ATRNL1: variants seen among roughly 807,000 people sequenced by gnomAD.
ATRNL1 encodes attractin like 1.
ATRNL1 carries 95 observed loss-of-function variants against 182.7 expected under a neutral mutation model. That is an observed-to-expected ratio of 0.52 (90% CI 0.44 to 0.62). The LOEUF (loss-of-function observed/expected upper bound fraction) is 0.62. ATRNL1 is among the 20% of genes least tolerant of loss of function. The probability of loss-of-function intolerance (pLI) is 0.00; values close to 1 mark genes in which losing one functional copy is unlikely to be tolerated. For missense variants in ATRNL1, 1,471 were observed against 1,679.5 expected (o/e 0.88, Z 2.17); for synonymous variants, 576 against 568.3 (o/e 1.01, Z -0.19).
chr10:115,209,078 G>A (rs1292115926), intron 8 of ATRNL1, among the ~76,000 whole-genome samples: 3 of 151,576 alleles, frequency 2.0e-5, no homozygotes, highest in African/African-American at 7.3e-5. Context: ...TCTTCATTAG[G>A]CCATGATGGA....
intron 5 of ATRNL1, among the ~76,000 whole-genome samples, chr10:115,136,178 G>C (rs1845506961): frequency 6.6e-6 from 1 of 151,746 alleles, no homozygotes; most frequent in African/African-American, 2.4e-5. Flanking sequence ...ATTTAATTTT[G>C]TCATAAAGTA....
chr10:115,414,561 AC>A (rs1554960529), intron 20 of ATRNL1, among the ~76,000 whole-genome samples: 1 of 151,884 alleles, frequency 6.6e-6, no homozygotes, highest in Non-Finnish European at 1.5e-5. Flanking sequence ...ATAACCTGAA[AC>A]TACTTCCAGT....
intron 25 of ATRNL1, among the ~76,000 whole-genome samples, chr10:115,538,313 A>G (rs1592815656): frequency 6.6e-6 from 1 of 152,358 alleles, no homozygotes; most frequent in East Asian, 1.9e-4. Context: ...TGCTGCGACC[A>G]GCAAAGCTCA....
chr10:115,346,017 G>A (rs1855959067), intron 19 of ATRNL1, among the ~76,000 whole-genome samples: 1 of 151,948 alleles, frequency 6.6e-6, no homozygotes, highest in African/African-American at 2.4e-5. Flanking sequence ...GTGCTTGCTG[G>A]CCCTTGTATC....
At chr10:115,245,278 C>G (rs1441072885) in intron 10 of ATRNL1, among the ~76,000 whole-genome samples, 1 of 151,924 alleles carries the variant, frequency 6.6e-6, no homozygotes, top group Non-Finnish European at 1.5e-5. Context: ...GCAGGCTGAT[C>G]ACCTGAGGTC....
intron 26 of ATRNL1, among the ~76,000 whole-genome samples, chr10:115,634,318 A>G (rs1798062752): frequency 6.6e-6 from 1 of 152,134 alleles, no homozygotes; most frequent in Admixed American, 6.5e-5. Context: ...AGTGTCTATA[A>G]TGGTACTTGA....
chr10:115,775,959 CAA>C (rs398014865), intron 27 of ATRNL1, among the ~76,000 whole-genome samples: 15 of 113,200 alleles, frequency 1.3e-4, no homozygotes, highest in South Asian at 3.1e-4. Context: ...ACTCCATTCT[CAA>C]AAAAAAAAAA....
chr10:115,904,263 C>G (rs78534018), intron 28 of ATRNL1, among the ~76,000 whole-genome samples: 2,191 of 152,282 alleles, frequency 0.014, 55 homozygotes, highest in African/African-American at 0.05. Flanking sequence ...TTTGGCAGCA[C>G]CGCACATGGT....
chr10:115,136,800 T>G lies in ATRNL1; in HGVS notation c.829+7265T>G, dbSNP rs567900802. ...AATTCCTTTTCAGCACTGAATAATA[T>G]TCCATTATATGGATGTACCACAGTT... On this transcript the variant is annotated intron_variant, in intron 5 of 28. Coordinates refer to ENST00000355044, the MANE Select transcript of ATRNL1 (RefSeq NM_207303.4). Among the ~76,000 whole-genome samples the G allele has an allele frequency of 7.2e-5, 11 of 152,338 alleles. No individual in the cohort carries two copies. The South Asian group carries it at 2.3e-3, about 32-fold the overall frequency.
At chr10:115,827,241 A>G (rs142977128) in intron 27 of ATRNL1, among the ~76,000 whole-genome samples, 389 of 152,300 alleles carry the variant, frequency 2.6e-3, no homozygotes, top group Non-Finnish European at 3.9e-3. Flanking sequence ...CTTTATAAAA[A>G]CTGTAAACAA....
chr10:115,301,286 G>A lies in ATRNL1; in HGVS notation c.2630-569G>A, dbSNP rs1853454254. Among the ~76,000 whole-genome samples, 4 of 152,216 alleles carry A rather than the reference G, an allele frequency of 2.6e-5. No individual in the cohort carries two copies. In the South Asian group the frequency reaches 8.3e-4, roughly 32 times the overall value. ...GCCAGAAGCAGAATTACAAAATAAT[G>A]TGGCAATTCTGTTTTTCACATTCCC... is the stretch of plus-strand genomic sequence containing the variant. On this transcript the variant is annotated intron_variant, in intron 16 of 28. Transcript: ENST00000355044.
At chr10:115,713,705 C>CTATCTATCTATCTATCTATCTATCATCT (rs1555055340) in intron 26 of ATRNL1, among the ~76,000 whole-genome samples, 1 of 101,224 alleles carries the variant, frequency 9.9e-6, no homozygotes, top group East Asian at 4.5e-4. Flanking sequence ...ATCTATCTAT[C>CTATCTATCTATCTATCTATCTATCATCT]ATCTATCTAT....
At chr10:115,639,828 AG>A (rs1555029623) in intron 26 of ATRNL1, among the ~76,000 whole-genome samples, 1 of 152,098 alleles carries the variant, frequency 6.6e-6, no homozygotes, top group Non-Finnish European at 1.5e-5. Context: ...TTATACTTTA[AG>A]TTCTGAGATA....
chr10:115,421,113 T>C (rs1253434311), intron 20 of ATRNL1, among the ~76,000 whole-genome samples: 3 of 152,154 alleles, frequency 2.0e-5, no homozygotes, highest in African/African-American at 7.2e-5. Context: ...TTCTAGCAAA[T>C]ATTTAAAAAT....
chr10:115,883,781 C>A (rs559013739), intron 28 of ATRNL1, among the ~76,000 whole-genome samples: 1 of 152,200 alleles, frequency 6.6e-6, no homozygotes, highest in South Asian at 2.1e-4. Flanking sequence ...TAGGGGTGAA[C>A]GTTCTGCCTA....
At chr10:115,446,281 G>A (rs1268525401) in intron 21 of ATRNL1, among the ~76,000 whole-genome samples, 1 of 151,778 alleles carries the variant, frequency 6.6e-6, no homozygotes, top group Non-Finnish European at 1.5e-5. Context: ...GACCTACATA[G>A]CACTATTTCA....
intron 27 of ATRNL1, among the ~76,000 whole-genome samples, chr10:115,737,165 C>T (rs1565333593): frequency 6.6e-6 from 1 of 151,572 alleles, no homozygotes; most frequent in Non-Finnish European, 1.5e-5. Context: ...GTGGCTCATG[C>T]TTGTAATCAC....
chr10:115,461,533 G>C (rs782508332), intron 21 of ATRNL1, among the ~76,000 whole-genome samples: 28 of 151,864 alleles, frequency 1.8e-4, no homozygotes, highest in Non-Finnish European at 2.4e-4. Flanking sequence ...GTTTGTGAAA[G>C]TTACAAAGTT....
At chr10:115,565,176 A>G (rs1399278853) in intron 26 of ATRNL1, among the ~76,000 whole-genome samples, 2 of 152,042 alleles carry the variant, frequency 1.3e-5, no homozygotes, top group Admixed American at 6.6e-5. Context: ...CTCAAAAACT[A>G]CATGGCTCTA....
Sources: allele counts gnomAD v4.1 joint callset (sites outside exome capture counted in the v4.1 genomes callset), GRCh38; gene constraint gnomAD v4.1.1; transcripts MANE v1.5; gene names NCBI Gene and HGNC (gene_info 2026-07-23, HGNC 2026-07-21).